The following IFT56 variants were observed in gnomAD, a reference collection of about 807,000 sequenced individuals.
The protein encoded by IFT56 is intraflagellar transport protein 56.
the IFT56 span, among the ~76,000 whole-genome samples, chr7:139,146,146 A>G: frequency 6.6e-6 from 1 of 152,220 alleles, no homozygotes; most frequent in Non-Finnish European, 1.5e-5. Context: ...TCTACAGAAG[A>G]CAATTCTTTA....
the IFT56 span, chr7:139,137,758 T>TGTTC: frequency 0.23 from 233,250 of 992,964 alleles, 37,441 homozygotes; most frequent in African/African-American, 0.59. Flanking sequence ...GATTGCCTGT[T>TGTTC]GTCAGTAACC....
At chr7:139,178,449 G>A in the IFT56 span, 4 of 1,503,710 alleles carry the variant, frequency 2.7e-6, no homozygotes, top group Non-Finnish European at 3.7e-6. Context: ...TGTTTATCTG[G>A]TATAACTGAT....
chr7:139,184,827 G>A, the IFT56 span, among the ~76,000 whole-genome samples: 1 of 151,964 alleles, frequency 6.6e-6, no homozygotes, highest in Non-Finnish European at 1.5e-5. Context: ...GGCTGAGGCG[G>A]GCGGATCACA....
chr7:139,162,367 C>T, the IFT56 span, among the ~76,000 whole-genome samples: 1 of 151,960 alleles, frequency 6.6e-6, no homozygotes, highest in Non-Finnish European at 1.5e-5. Context: ...AAATATATGA[C>T]TGAAAGGAAC....
the IFT56 span, chr7:139,169,434 A>G: frequency 7.8e-7 from 1 of 1,274,538 alleles, no homozygotes; most frequent in Non-Finnish European, 1.1e-6. Flanking sequence ...TTCTCTGTCT[A>G]GGGATGTATC....
chr7:139,178,498 C>T, the IFT56 span: 4 of 1,606,196 alleles, frequency 2.5e-6, no homozygotes, highest in Non-Finnish European at 3.4e-6. Flanking sequence ...GTGACCTGTT[C>T]TTGGGATGTT....
the IFT56 span, among the ~76,000 whole-genome samples, chr7:139,181,456 G>A: frequency 2.0e-5 from 3 of 152,302 alleles, no homozygotes; most frequent in Middle Eastern, 3.4e-3. Flanking sequence ...TTTAGTCAGC[G>A]TTGATGTACA....
the IFT56 span, chr7:139,134,704 A>G: frequency 6.2e-7 from 1 of 1,614,132 alleles, no homozygotes; most frequent in Non-Finnish European, 8.5e-7. Flanking sequence ...CAGCACACTG[A>G]CAAAAGAAAG....
chr7:139,153,361 G>A, the IFT56 span, among the ~76,000 whole-genome samples: 3 of 151,286 alleles, frequency 2.0e-5, no homozygotes, highest in African/African-American at 7.3e-5. Context: ...TGAGGCACGA[G>A]AATCACTTGA....
chr7:139,177,238 GTA>G, the IFT56 span, among the ~76,000 whole-genome samples: 4 of 149,860 alleles, frequency 2.7e-5, no homozygotes, highest in South Asian at 2.1e-4. Context: ...GTGTGTGTGT[GTA>G]TATATATATA....
the IFT56 span, among the ~76,000 whole-genome samples, chr7:139,175,716 A>G: frequency 6.6e-6 from 1 of 151,936 alleles, no homozygotes; most frequent in African/African-American, 2.4e-5. Flanking sequence ...GGAGATAGGG[A>G]GTAGAATGAT....
chr7:139,148,988 C>T, the IFT56 span, among the ~76,000 whole-genome samples: 1 of 152,100 alleles, frequency 6.6e-6, no homozygotes, highest in South Asian at 2.1e-4. Flanking sequence ...CACCAACATA[C>T]ATCCAGTAAA....
the IFT56 span, among the ~76,000 whole-genome samples, chr7:139,152,571 A>G: frequency 1.6e-4 from 25 of 152,386 alleles, no homozygotes; most frequent in African/African-American, 4.8e-4. Context: ...TATATATTTT[A>G]AATAGAAAAG....
chr7:139,134,048 T>A, the IFT56 span, among the ~76,000 whole-genome samples: 2 of 152,292 alleles, frequency 1.3e-5, no homozygotes, highest in Non-Finnish European at 2.9e-5. Flanking sequence ...CTCCTGCTTT[T>A]CCGTTTACTC....
chr7:139,135,301 A>C, the IFT56 span, among the ~76,000 whole-genome samples: 1,291 of 141,514 alleles, frequency 9.1e-3, 18 homozygotes, highest in African/African-American at 0.035. Flanking sequence ...AAAAAAAACA[A>C]AACAAAACTT....
chr7:139,147,077 T>C, the IFT56 span: 2 of 1,598,922 alleles, frequency 1.3e-6, no homozygotes, highest in Admixed American at 1.7e-5. Context: ...CTCTATCACA[T>C]AGATATTGAT....
At chr7:139,152,170 C>T in the IFT56 span, among the ~76,000 whole-genome samples, 3 of 152,222 alleles carry the variant, frequency 2.0e-5, no homozygotes, top group Non-Finnish European at 4.4e-5. Flanking sequence ...CACTGTGTCA[C>T]CAAGGCTGTG....
At chr7:139,171,264 T>A in the IFT56 span, among the ~76,000 whole-genome samples, 1 of 152,318 alleles carries the variant, frequency 6.6e-6, no homozygotes, top group African/African-American at 2.4e-5. Flanking sequence ...ATGTTCATAC[T>A]ACCCAAAGCA....
At chr7:139,187,378 G>A in the IFT56 span, 2 of 1,611,558 alleles carry the variant, frequency 1.2e-6, no homozygotes, top group Non-Finnish European at 1.7e-6. Context: ...TTTACTGCAA[G>A]TATTACCACA....
Sources: gnomAD v4.1 joint callset for allele counts (sites outside exome capture counted in the v4.1 genomes callset) on GRCh38, gnomAD v4.1.1 for gene constraint, MANE v1.5 for transcripts, NCBI Gene and HGNC (gene_info 2026-07-23, HGNC 2026-07-21) for gene names.